KCTD1: variants seen among roughly 807,000 people sequenced by gnomAD.
KCTD1 encodes the protein BTB/POZ domain-containing protein KCTD1.
Under a neutral mutation model 66.0 loss-of-function variants are expected in KCTD1, and 24 were observed. The ratio of observed to expected loss-of-function variants is 0.36; its 90% CI spans 0.26 to 0.51. KCTD1 has a LOEUF of 0.51. KCTD1 is among the 20% of genes least tolerant of loss of function. KCTD1 has a pLI of 0.95. For missense variants in KCTD1, 943 were observed against 1,205.2 expected (o/e 0.78, Z 3.22); for synonymous variants, 511 against 517.2 (o/e 0.99, Z 0.16).
chr18:26,557,650 C>G (rs889972937), intron 1 of KCTD1, among the ~76,000 whole-genome samples: 1 of 152,132 alleles, frequency 6.6e-6, no homozygotes, highest in Admixed American at 6.5e-5. Flanking sequence ...GACCACACTT[C>G]GAGAAACACT....
At chr18:26,520,423 T>C (rs561248519) in intron 1 of KCTD1, among the ~76,000 whole-genome samples, 1 of 152,286 alleles carries the variant, frequency 6.6e-6, no homozygotes, top group East Asian at 1.9e-4. Flanking sequence ...AGACCTCAGG[T>C]ACCCCCACAG....
intron 1 of KCTD1, chr18:26,545,348 C>T (rs1381564712): frequency 6.6e-6 from 1 of 152,192 alleles, no homozygotes. Context: ...TTCACTAACA[C>T]AACCTGTCAG....
At chr18:26,654,855 A>G (rs1418779283) in intron 1 of KCTD1, among the ~76,000 whole-genome samples, 1 of 152,204 alleles carries the variant, frequency 6.6e-6, no homozygotes, top group Non-Finnish European at 1.5e-5. Flanking sequence ...AATTCTTTCC[A>G]TTCAGGCAGC....
At chr18:26,595,504 G>T (rs1459722763) in intron 1 of KCTD1, among the ~76,000 whole-genome samples, 1 of 152,150 alleles carries the variant, frequency 6.6e-6, no homozygotes, top group African/African-American at 2.4e-5. Flanking sequence ...CACAACTCGT[G>T]GGCGATGTCC....
At chr18:26,517,136 G>A (rs997558009) in intron 1 of KCTD1, among the ~76,000 whole-genome samples, 8 of 152,178 alleles carry the variant, frequency 5.3e-5, no homozygotes, top group Non-Finnish European at 1.0e-4. Flanking sequence ...TCTGAGAAGC[G>A]GGACATTAGG....
intron 1 of KCTD1, among the ~76,000 whole-genome samples, chr18:26,541,415 CCT>C (rs1420400806): frequency 6.6e-6 from 1 of 152,180 alleles, no homozygotes; most frequent in Non-Finnish European, 1.5e-5. Context: ...ATAGCTCCCA[CCT>C]CTGTTATTTT....
intron 1 of KCTD1, among the ~76,000 whole-genome samples, chr18:26,603,068 T>A (rs1598962167): frequency 6.6e-6 from 1 of 152,196 alleles, no homozygotes; most frequent in East Asian, 1.9e-4. Context: ...TGGCTAGCCA[T>A]ATGCAGAAGA....
intron 1 of KCTD1, among the ~76,000 whole-genome samples, chr18:26,568,434 G>A (rs1192027835): frequency 2.0e-5 from 3 of 151,460 alleles, no homozygotes; most frequent in African/African-American, 7.3e-5. Flanking sequence ...ACGGGGTTTC[G>A]CCATGTTGCC....
At chr18:26,549,673 C>G (rs1388375757), upstream of KCTD1, 1 of 974,044 alleles carries the variant, frequency 1.0e-6, no homozygotes, top group African/African-American at 1.8e-5. Context: ...ACTTGTGTCT[C>G]GGCCGACCCT....
chr18:26,653,557 T>G lies in KCTD1; in HGVS notation c.9+3803A>C, dbSNP rs114318168. On this transcript the variant is annotated intron_variant, in intron 1 of 4. Transcript: ENST00000580191. ...CTCTCTGTCTGGACTATAAGCTCCA[T>G]GAGATTGGAGGCTCTGAATGCTTTT... Among the ~76,000 whole-genome samples, 3 of 152,216 alleles carry G rather than the reference T, an allele frequency of 2.0e-5. No homozygotes were observed. In the East Asian group the frequency reaches 5.8e-4, roughly 29 times the overall value.
intron 1 of KCTD1, among the ~76,000 whole-genome samples, chr18:26,593,632 GA>G (rs1416650206): frequency 4.3e-5 from 4 of 93,950 alleles, no homozygotes; most frequent in Non-Finnish European, 8.7e-5. Context: ...GGAGGAAGAT[GA>G]GGAGGAAGAG....
At chr18:26,569,068 GTAA>G (rs149956532) in intron 1 of KCTD1, among the ~76,000 whole-genome samples, 7,504 of 152,200 alleles carry the variant, frequency 0.049, 293 homozygotes, top group East Asian at 0.18. Context: ...TAAAGCACTT[GTAA>G]TAATAATATG....
At chr18:26,596,670 G>T (rs557096020) in intron 1 of KCTD1, among the ~76,000 whole-genome samples, 1 of 152,284 alleles carries the variant, frequency 6.6e-6, no homozygotes, top group East Asian at 1.9e-4. Flanking sequence ...TAAATATCAG[G>T]TTCTTCTTCT....
At chr18:26,475,032 C>T (rs938357195) in intron 3 of KCTD1, among the ~76,000 whole-genome samples, 4 of 152,092 alleles carry the variant, frequency 2.6e-5, no homozygotes, top group Non-Finnish European at 4.4e-5. Flanking sequence ...TGAAATGCCA[C>T]CTTTATGGTA....
At position 26,570,191 on chromosome 18, in the gene KCTD1, A is replaced by AAAAAAATAT. The variant is rs776923644; in HGVS notation, c.-16+58955_-16+58956insATATTTTTT. ...ACAGAGCAAGACTCCATCTAAAAAAAATATATATATATATATATATATATG... is the reference window on the plus strand; with the variant it reads ...ACAGAGCAAGACTCCATCTAAAAAAAAAAAAATATATATATATATATATATATATATATG... On this transcript the variant is annotated intron_variant, in intron 1 of 4. Transcript: ENST00000317932. 5.4e-3 allele frequency among the ~76,000 whole-genome samples: 715 copies of AAAAAAATAT among 132,524 alleles called. 5 individuals are homozygous for AAAAAAATAT. Among genetic ancestry groups the AAAAAAATAT allele is most frequent in the East Asian group, 0.011 (44 of 4,102 alleles). 86.9% of individuals were successfully genotyped at this position (132,524 alleles called of 152,430 possible). A position where few individuals can be genotyped will look rare whatever the true frequency, so the allele number is the denominator to read the frequency against.
At chr18:26,549,404 CGTAG>C (rs1985451597), upstream of KCTD1, 1 of 985,538 alleles carries the variant, frequency 1.0e-6, no homozygotes, top group South Asian at 4.7e-5. Flanking sequence ...GGGCGCTCCC[CGTAG>C]GTCTGGGGCA....
chr18:26,573,920 TCTC>T (rs1196210012), intron 1 of KCTD1, among the ~76,000 whole-genome samples: 2 of 152,140 alleles, frequency 1.3e-5, no homozygotes, highest in Non-Finnish European at 2.9e-5. Flanking sequence ...TTGCTGGACA[TCTC>T]CTATCCCTGG....
intron 1 of KCTD1, among the ~76,000 whole-genome samples, chr18:26,601,346 AAAAG>A (rs1321034472): frequency 6.6e-6 from 1 of 150,724 alleles, no homozygotes; most frequent in Non-Finnish European, 1.5e-5. Flanking sequence ...AAAAAAAAAA[AAAAG>A]AAAGAAATTC....
At chr18:26,584,453 G>C (rs915039820) in intron 1 of KCTD1, among the ~76,000 whole-genome samples, 4 of 152,104 alleles carry the variant, frequency 2.6e-5, no homozygotes, top group African/African-American at 7.2e-5. Context: ...GTGATCACTA[G>C]AAAATTTAAA....
Sources: allele counts gnomAD v4.1 joint callset (sites outside exome capture counted in the v4.1 genomes callset), GRCh38; gene constraint gnomAD v4.1.1; transcripts MANE v1.5; gene names NCBI Gene and HGNC (gene_info 2026-07-23, HGNC 2026-07-21).